AMMECR1: variants seen among roughly 807,000 people sequenced by gnomAD.
The protein encoded by AMMECR1 is nuclear protein AMMECR1.
AMMECR1 carries 3 observed loss-of-function variants against 22.5 expected under a neutral mutation model. That is an observed-to-expected ratio of 0.13 (90% confidence interval 0.06 to 0.35). AMMECR1 has a LOEUF of 0.35. Among genes scored for constraint, AMMECR1 ranks in the 10% least tolerant of loss-of-function variants. The pLI, the probability that AMMECR1 is intolerant of heterozygous loss-of-function variation, is 1.00. For synonymous variants in AMMECR1, 130 were observed against 116.7 expected (o/e 1.11, Z -0.74); for missense variants, 235 against 278.7 (o/e 0.84, Z 1.12).
intron 1 of AMMECR1, among the ~76,000 whole-genome samples, chrX:110,294,469 C>T (rs1302489382): frequency 8.9e-6 from 1 of 112,169 alleles, no homozygotes; most frequent in Non-Finnish European, 1.9e-5. Flanking sequence ...TAGCTTCCTA[C>T]ACTAGGAATC....
chrX:110,377,040 T>G (rs2068381675), intron 2 of AMMECR1, among the ~76,000 whole-genome samples: 1 of 111,367 alleles, frequency 9.0e-6, no homozygotes, highest in South Asian at 3.8e-4. Flanking sequence ...AGGCAGTGGG[T>G]GAAAGTGGAG....
At chrX:110,217,247 A>T (rs923688067) in intron 2 of AMMECR1, among the ~76,000 whole-genome samples, 13 of 109,382 alleles carry the variant, frequency 1.2e-4, no homozygotes, top group African/African-American at 4.3e-4. Flanking sequence ...GACTAAAAAT[A>T]CTCATAAGAA....
At chrX:110,273,891 T>C (rs1370449693) in intron 1 of AMMECR1, among the ~76,000 whole-genome samples, 2 of 112,404 alleles carry the variant, frequency 1.8e-5, no homozygotes, top group Non-Finnish European at 3.8e-5. Flanking sequence ...TATAGCCTTA[T>C]AGTGTAATTT....
intron 2 of AMMECR1, among the ~76,000 whole-genome samples, chrX:110,398,988 G>T (rs2068546434): frequency 8.9e-6 from 1 of 111,900 alleles, no homozygotes; most frequent in East Asian, 2.8e-4. Flanking sequence ...CATATATGTT[G>T]ACTAGGAGAG....
chrX:110,203,914 C>A (rs191994815), intron 3 of AMMECR1, among the ~76,000 whole-genome samples: 1 of 111,779 alleles, frequency 8.9e-6, no homozygotes, highest in Non-Finnish European at 1.9e-5. Context: ...TAAAGCATAT[C>A]TCTGGCTATT....
intron 2 of AMMECR1, among the ~76,000 whole-genome samples, chrX:110,387,683 T>C (rs1315348257): frequency 9.0e-6 from 1 of 111,322 alleles, no homozygotes; most frequent in Non-Finnish European, 1.9e-5. Flanking sequence ...ACAGGGCTAT[T>C]AACTGGAAGA....
At chrX:110,264,328 T>G (rs2067756499) in intron 2 of AMMECR1, among the ~76,000 whole-genome samples, 161 bp downstream of exon 2, 1 of 111,498 alleles carries the variant, frequency 9.0e-6, no homozygotes, top group Non-Finnish European at 1.9e-5. Context: ...CAATAACATT[T>G]TACCAGAGAA....
At chrX:110,207,972 A>AAAACAAAC (rs766743221) in intron 3 of AMMECR1, among the ~76,000 whole-genome samples, 1 of 111,568 alleles carries the variant, frequency 9.0e-6, no homozygotes, top group African/African-American at 3.3e-5. Context: ...CTGTCTCTAA[A>AAAACAAAC]AAACAAACAA....
At chrX:110,366,952 T>C (rs984498389) in intron 2 of AMMECR1, among the ~76,000 whole-genome samples, 2 of 111,502 alleles carry the variant, frequency 1.8e-5, no homozygotes, top group African/African-American at 6.5e-5. Flanking sequence ...CATTTTCCCT[T>C]TCAGCTGCTA....
chrX:110,360,617 T>G (rs1381677794), intron 2 of AMMECR1, among the ~76,000 whole-genome samples: 2 of 111,912 alleles, frequency 1.8e-5, no homozygotes, highest in Non-Finnish European at 3.8e-5. Context: ...ATTTTCAAGT[T>G]TAAGCAAATG....
In AMMECR1 at chrX:110,317,860, G is replaced by C; in HGVS notation, c.212C>G (p.Ser71Cys). Residue 71 changes from serine (S) to cysteine (C), a missense_variant, in exon 1 of 6, where the codon TCT becomes TGT. By Grantham distance (112) the Ser-to-Cys change is moderately radical. Around this residue, in one of 2 missense-constraint regions of AMMECR1, gnomAD observed 124 missense variants for 97.0 expected, o/e 1.28. Coordinates refer to ENST00000262844, the MANE Select transcript of AMMECR1 (RefSeq NM_015365.3). ...GCCGCCGCCGCAGCCCTGGGGGGGA[G>C]AGAGGGTACAGCCGCTGCCGCTACC... ...GGGSGSGCTL[S>C]PPQGCGGGGG... The C allele has an allele frequency of 8.5e-7, 1 of 1,177,838 alleles. No homozygotes were observed. Among genetic ancestry groups the C allele is most frequent in the Non-Finnish European group, 1.1e-6 (1 of 878,493 alleles).
At chrX:110,288,074 G>T (rs975748988) in intron 1 of AMMECR1, among the ~76,000 whole-genome samples, 2 of 112,071 alleles carry the variant, frequency 1.8e-5, no homozygotes, top group African/African-American at 6.5e-5. Context: ...ACACAAAGGA[G>T]AGACACTTAG....
chrX:110,340,890 T>C (rs2068161734), intron 2 of AMMECR1, among the ~76,000 whole-genome samples: 3 of 112,455 alleles, frequency 2.7e-5, no homozygotes, highest in Admixed American at 1.9e-4. Context: ...GGCTCCAAGA[T>C]GTAATTGTGT....
At chrX:110,433,203 T>C (rs995075378) in intron 1 of AMMECR1, among the ~76,000 whole-genome samples, 5 of 112,562 alleles carry the variant, frequency 4.4e-5, no homozygotes, top group Non-Finnish European at 7.5e-5. Context: ...ACATAGTTGA[T>C]TGAGTACCTG....
At chrX:110,239,810 C>T (rs1199172658) in intron 2 of AMMECR1, among the ~76,000 whole-genome samples, 1 of 111,481 alleles carries the variant, frequency 9.0e-6, no homozygotes, top group Non-Finnish European at 1.9e-5. Flanking sequence ...AGAGAAAGGT[C>T]GGGTTACCCA....
intron 2 of AMMECR1, among the ~76,000 whole-genome samples, chrX:110,349,730 A>G (rs1467205505): frequency 8.9e-6 from 1 of 111,848 alleles, no homozygotes; most frequent in African/African-American, 3.2e-5. Flanking sequence ...TTTATTCCTC[A>G]CAACAATTCT....
At chrX:110,416,505 C>G (rs1325888054) in intron 2 of AMMECR1, among the ~76,000 whole-genome samples, 2 of 110,687 alleles carry the variant, frequency 1.8e-5, no homozygotes, top group Non-Finnish European at 3.8e-5. Context: ...TGCCCGGGGT[C>G]ACTCAGGCTA....
intron 2 of AMMECR1, among the ~76,000 whole-genome samples, chrX:110,356,150 C>CTTTTT (rs1288370078): frequency 1.1e-5 from 1 of 88,161 alleles, no homozygotes; most frequent in Non-Finnish European, 2.2e-5. Context: ...GAGGCATAAC[C>CTTTTT]TTTTTTTTTT....
chrX:110,346,376 C>A (rs1602915670), intron 2 of AMMECR1, among the ~76,000 whole-genome samples: 1 of 111,966 alleles, frequency 8.9e-6, no homozygotes, highest in South Asian at 3.7e-4. Flanking sequence ...GAAAAAGTGT[C>A]AAATATCACT....
Sources: gnomAD v4.1 joint callset for allele counts (sites outside exome capture counted in the v4.1 genomes callset) on GRCh38, gnomAD v4.1.1 for gene constraint, gnomAD v4.1.1 regional missense constraint, MANE v1.5 for transcripts, NCBI Gene and HGNC (gene_info 2026-07-23, HGNC 2026-07-21) for gene names.